The following ARID2 variants were observed in gnomAD, a reference collection of about 807,000 sequenced individuals.
The protein encoded by ARID2 is AT-rich interactive domain-containing protein 2.
In ARID2, 32 loss-of-function variants were observed where a neutral mutation model predicts 184.6. That is an observed-to-expected ratio of 0.17 (90% CI 0.13 to 0.23). ARID2 has a LOEUF of 0.23. Ranked by LOEUF, ARID2 falls within the 10% of genes least tolerant of loss-of-function variation. The pLI is 1.00. For missense variants in ARID2, 1,696 were observed against 2,197.6 expected, an observed-to-expected ratio of 0.77 and a Z score of 4.56; for synonymous variants, 836 against 772.6, an observed-to-expected ratio of 1.08 and a Z score of -1.36.
chr12:45,849,633 G>A lies in ARID2; in HGVS notation c.1769G>A (p.Gly590Glu), dbSNP rs2138156759. 6.2e-7 allele frequency: 1 copy of A among 1,613,518 alleles called. No individual in the cohort carries two copies. Among genetic ancestry groups the A allele is most frequent in the African/African-American group, 1.3e-5 (1 of 74,980 alleles). Residue 590 changes from glycine (G) to glutamate (E), a missense_variant, in exon 14 of 21, where the codon GGG (glycine) becomes GAG (glutamate). Physicochemically the swap from Gly to Glu is moderately conservative, Grantham distance 98. Around this residue, in one of 11 missense-constraint regions of ARID2, gnomAD observed 713 missense variants for 824.4 expected, o/e 0.86. Coordinates refer to ENST00000334344, the MANE Select transcript of ARID2 (RefSeq NM_152641.4). Reference sequence around the variant, plus strand: ...AGAGTGGAGGATTCCAGTAGCAATGGGCAGGCACATATTCATGTGGTAGGA... The same window carrying A: ...AGAGTGGAGGATTCCAGTAGCAATGAGCAGGCACATATTCATGTGGTAGGA... ...VKRVEDSSSN[G>E]QAHIHVVGVK...
At chr12:45,801,561 A>G (rs967849644) in intron 3 of ARID2, among the ~76,000 whole-genome samples, 3 of 152,236 alleles carry the variant, frequency 2.0e-5, no homozygotes, top group African/African-American at 7.2e-5. Flanking sequence ...ACAAATAGAC[A>G]TGATGTGCCT....
At chr12:45,770,996 A>T (rs548563925) in intron 3 of ARID2, among the ~76,000 whole-genome samples, 1 of 152,278 alleles carries the variant, frequency 6.6e-6, no homozygotes, top group South Asian at 2.1e-4. Context: ...ACCAATAAGA[A>T]GTACTAAAGG....
At chr12:45,744,122 A>G (rs964691997) in intron 3 of ARID2, among the ~76,000 whole-genome samples, 9 of 152,272 alleles carry the variant, frequency 5.9e-5, no homozygotes, top group African/African-American at 2.2e-4. Context: ...ATTGGCCAGT[A>G]TATCCATGCA....
At chr12:45,860,990 T>C (rs1943736206) in intron 16 of ARID2, 41 bp downstream of exon 16, 3 of 1,423,642 alleles carry the variant, frequency 2.1e-6, no homozygotes, top group Non-Finnish European at 2.8e-6. Flanking sequence ...GTATTCTTTG[T>C]TTTGGAATGC....
intron 10 of ARID2, 21 bp from the exon 11 acceptor site, chr12:45,839,306 CTA>C: frequency 2.5e-6 from 4 of 1,582,778 alleles, no homozygotes; most frequent in Non-Finnish European, 3.4e-6. Context: ...TGACTAATAA[CTA>C]TTGCTTTTTA....
At chr12:45,794,998 A>AC in intron 3 of ARID2, among the ~76,000 whole-genome samples, 1 of 151,242 alleles carries the variant, frequency 6.6e-6, no homozygotes, top group Non-Finnish European at 1.5e-5. Flanking sequence ...TCTAAAACAT[A>AC]CTATCTTGTA....
intron 6 of ARID2, among the ~76,000 whole-genome samples, chr12:45,828,934 G>C (rs1281141910): frequency 6.6e-6 from 1 of 151,660 alleles, no homozygotes; most frequent in African/African-American, 2.4e-5. Context: ...TTTTAATGTA[G>C]TTTAACATCA....
At chr12:45,743,889 C>T (rs1190939077) in intron 3 of ARID2, among the ~76,000 whole-genome samples, 1 of 152,028 alleles carries the variant, frequency 6.6e-6, no homozygotes, top group East Asian at 1.9e-4. Context: ...ATGTGGTTTT[C>T]TGTTTCATGT....
rs138606745 is a variant in ARID2, at chr12:45,852,434, G to C, written c.4311G>C (p.Ala1437=). The C allele has an allele frequency of 6.2e-7, 1 of 1,614,064 alleles. No homozygotes were observed. The highest frequency in any genetic ancestry group is 8.5e-7 in the Non-Finnish European group (1 of 1,179,998). ...SVSSIQEASN[A]ATQQFSGTDL... is the part of the protein sequence containing the mutation. Reference sequence around the variant, plus strand: ...GCAGTATACAGGAGGCTTCAAATGCGGCAACACAGCAATTTAGTGGTACTG... The same window carrying C: ...GCAGTATACAGGAGGCTTCAAATGCCGCAACACAGCAATTTAGTGGTACTG... The change falls in exon 15 of 21, where the codon GCG becomes GCC. Residue 1437 remains alanine, a synonymous_variant. Transcript: ENST00000334344.
chr12:45,888,813 A>G (rs1015584565), intron 16 of ARID2, among the ~76,000 whole-genome samples: 14 of 152,204 alleles, frequency 9.2e-5, no homozygotes, highest in African/African-American at 3.4e-4. Context: ...GTTACATTGT[A>G]TGTGCCATAT....
At chr12:45,814,217 T>C (rs755303020) in intron 4 of ARID2, among the ~76,000 whole-genome samples, 1 of 152,198 alleles carries the variant, frequency 6.6e-6, no homozygotes, top group South Asian at 2.1e-4. Flanking sequence ...ATAGAATATA[T>C]TGTAGAATTT....
chr12:45,756,171 G>C (rs1233206801), intron 3 of ARID2, among the ~76,000 whole-genome samples: 1 of 152,230 alleles, frequency 6.6e-6, no homozygotes, highest in Non-Finnish European at 1.5e-5. Context: ...CTACCAAAGT[G>C]CTGGGATTAC....
Position 45,850,522 on chromosome 12 carries a change from A to G in ARID2, c.2399A>G (p.His800Arg), listed in dbSNP as rs1409562646. The stretch of plus-strand genomic sequence containing the variant: ...ATTCAACAAGCTGTCCCACAGAGTC[A>G]TATGTTTGGCAGAGTACAGAACATA... The part of the protein sequence containing the change: ...TVIQQAVPQS[H>R]MFGRVQNIPA... The change falls in exon 15 of 21, where the codon CAT becomes CGT. Residue 800 changes from histidine (H) to arginine (R), a missense_variant. Around this residue, in one of 11 missense-constraint regions of ARID2, gnomAD observed 713 missense variants for 824.4 expected, o/e 0.86. Coordinates refer to ENST00000334344, the MANE Select transcript of ARID2 (RefSeq NM_152641.4). 1.2e-6 allele frequency: 2 copies of G among 1,614,082 alleles called. No homozygotes were observed. The highest frequency in any genetic ancestry group is 1.7e-5 in the Admixed American group (1 of 60,002).
rs114922730 is a variant in ARID2, at chr12:45,831,236, C to T, written c.706-5353C>T. Reference sequence around the variant, plus strand: ...GTTGTTTTTATTTTTTTAATATGTACATTCTAATACATACAATTAAGACCA... The same window carrying T: ...GTTGTTTTTATTTTTTTAATATGTATATTCTAATACATACAATTAAGACCA... On this transcript the variant is annotated intron_variant, in intron 6 of 20. Coordinates refer to ENST00000334344, the MANE Select transcript of ARID2 (RefSeq NM_152641.4). Among the ~76,000 whole-genome samples the T allele has an allele frequency of 7.5e-3, 1,144 of 152,058 alleles. 18 individuals are homozygous for T. The highest frequency in any genetic ancestry group is 0.026 in the African/African-American group (1,077 of 41,460).
chr12:45,897,434 C>T (rs936501885), intron 20 of ARID2, among the ~76,000 whole-genome samples: 4 of 152,172 alleles, frequency 2.6e-5, no homozygotes, highest in South Asian at 4.1e-4. Flanking sequence ...AGGATACTAT[C>T]AACAGAGTAA....
chr12:45,785,410 C>G (rs1413798605), intron 3 of ARID2, among the ~76,000 whole-genome samples: 1 of 152,096 alleles, frequency 6.6e-6, no homozygotes, highest in Non-Finnish European at 1.5e-5. Flanking sequence ...TTGATGTTTT[C>G]CATAAGACGC....
intron 3 of ARID2, among the ~76,000 whole-genome samples, chr12:45,764,709 T>C (rs942226998): frequency 7.9e-5 from 12 of 152,244 alleles, no homozygotes; most frequent in Non-Finnish European, 1.6e-4. Flanking sequence ...TTTGTGTTGT[T>C]AAGTAGTGTT....
rs552170961 is a variant in ARID2, at chr12:45,735,033, C to A, written c.284+3719C>A. 2.0e-5 allele frequency among the ~76,000 whole-genome samples: 3 copies of A among 151,864 alleles called. No homozygotes were observed. The East Asian group carries it at 5.8e-4, about 29-fold the overall frequency. ...ATTCATTTCTATTTATATGTACCTA[C>A]CTTTAGAATAGTCAGAAACTTAATT... On this transcript the variant is annotated intron_variant, in intron 3 of 20. Coordinates refer to ENST00000334344, the MANE Select transcript of ARID2 (RefSeq NM_152641.4).
rs201610297 is a variant in ARID2 at position 45,851,912 on chromosome 12, T to C, written c.3789T>C (p.Ile1263=). The C allele has an allele frequency of 6.2e-7, 1 of 1,614,138 alleles. No individual in the cohort carries two copies. Among genetic ancestry groups the C allele is most frequent in the Non-Finnish European group, 8.5e-7 (1 of 1,180,012 alleles). The change falls in exon 15 of 21, where the codon ATT becomes ATC. Residue 1263 remains isoleucine (I), a synonymous_variant. Transcript: ENST00000334344. The stretch of plus-strand genomic sequence containing the variant: ...GTTTACATGTTCATGAACGTAAAAT[T>C]GAAGTCATGGAGAACCCGTCCTGCC... ...ATGLHVHERK[I]EVMENPSCRR...
Sources: gnomAD v4.1 joint callset for allele counts (sites outside exome capture counted in the v4.1 genomes callset) on GRCh38, gnomAD v4.1.1 for gene constraint, gnomAD v4.1.1 regional missense constraint, MANE v1.5 for transcripts, NCBI Gene and HGNC (gene_info 2026-07-23, HGNC 2026-07-21) for gene names.